Variants in SDCCAG8 observed in about 807,000 individuals in gnomAD.
SDCCAG8 encodes the protein SHH signaling and ciliogenesis regulator SDCCAG8.
Under a neutral mutation model 101.8 loss-of-function variants are expected in SDCCAG8, and 74 were observed. That is an observed-to-expected ratio of 0.73 (90% confidence interval 0.60 to 0.88). The LOEUF (loss-of-function observed/expected upper bound fraction) is 0.88, where lower values mean the gene tolerates loss of function less well. SDCCAG8 is among the 40% of genes least tolerant of loss of function. The pLI, the probability that SDCCAG8 is intolerant of heterozygous loss-of-function variation, is 0.00. For synonymous variants in SDCCAG8, 281 were observed against 292.9 expected (o/e 0.96, Z 0.41); for missense variants, 787 against 822.6 (o/e 0.96, Z 0.53).
Position 243,344,307 on chromosome 1 carries a change from C to T in SDCCAG8, c.1449C>T (p.Asn483=), listed in dbSNP as rs962469606. 4 of 1,613,106 alleles carry T rather than the reference C, an allele frequency of 2.5e-6. No homozygotes were observed. In the African/African-American group the frequency reaches 5.3e-5, roughly 22 times the overall value. Residue 483 remains asparagine, a synonymous_variant, in exon 12 of 18, where the codon AAC becomes AAT. Transcript: ENST00000366541. The part of the protein sequence containing the change: ...KEHREFRAKT[N]RDLEIKDQEI... Reference sequence around the variant, plus strand: ...ACAGAGAGTTCAGAGCAAAAACTAACAGGGATCTTGAAATTAAAGATCAGG... The same window carrying T: ...ACAGAGAGTTCAGAGCAAAAACTAATAGGGATCTTGAAATTAAAGATCAGG...
chr1:243,392,931 A>G (rs1398593278), intron 13 of SDCCAG8, among the ~76,000 whole-genome samples: 1 of 152,228 alleles, frequency 6.6e-6, no homozygotes, highest in East Asian at 1.9e-4. Flanking sequence ...CTTCCAAATT[A>G]AAGAAAATGA....
intron 13 of SDCCAG8, among the ~76,000 whole-genome samples, chr1:243,413,165 A>G (rs1021622343): frequency 6.6e-5 from 10 of 152,224 alleles, no homozygotes; most frequent in Non-Finnish European, 1.3e-4. Context: ...AAGGACTTCA[A>G]TTATGACAGT....
chr1:243,333,158 T>TTCCCCTTCCC (rs2074749009), intron 10 of SDCCAG8, among the ~76,000 whole-genome samples: 1 of 152,214 alleles, frequency 6.6e-6, no homozygotes, highest in Non-Finnish European at 1.5e-5. Flanking sequence ...GGTGTCTTCC[T>TTCCCCTTCCC]AATCCCTTCC....
intron 6 of SDCCAG8, 29 bp downstream of exon 6, chr1:243,293,248 C>T: frequency 1.9e-6 from 3 of 1,607,838 alleles, no homozygotes; most frequent in East Asian, 2.2e-5. Context: ...TTCTCTTATA[C>T]ATCTTTTTTT....
intron 16 of SDCCAG8, among the ~76,000 whole-genome samples, chr1:243,434,458 G>A (rs991687353): frequency 1.3e-5 from 2 of 152,204 alleles, no homozygotes; most frequent in African/African-American, 4.8e-5. Flanking sequence ...GGTAAGAGAT[G>A]TATATGTTGC....
intron 4 of SDCCAG8, among the ~76,000 whole-genome samples, chr1:243,283,866 G>A (rs917716886): frequency 4.6e-5 from 7 of 151,982 alleles, no homozygotes; most frequent in South Asian, 2.1e-4. Context: ...TCAGCCTCCC[G>A]AGTGGCTGGG....
chr1:243,477,033 C>CACACACACACACACAGAG (rs942231630), intron 16 of SDCCAG8, among the ~76,000 whole-genome samples: 4 of 150,320 alleles, frequency 2.7e-5, no homozygotes, highest in African/African-American at 9.9e-5. Flanking sequence ...CACACACACA[C>CACACACACACACACAGAG]AGAGAGAAAG....
chr1:243,470,179 G>A (rs1660947280), intron 16 of SDCCAG8, among the ~76,000 whole-genome samples: 1 of 152,154 alleles, frequency 6.6e-6, no homozygotes, highest in Non-Finnish European at 1.5e-5. Context: ...TGTCCCATGT[G>A]TGCAGTGCCT....
At chr1:243,375,062 A>G (rs1028708109) in intron 12 of SDCCAG8, among the ~76,000 whole-genome samples, 6 of 152,174 alleles carry the variant, frequency 3.9e-5, no homozygotes, top group Non-Finnish European at 8.8e-5. Context: ...ATTTTTCATA[A>G]TCATTATAAT....
chr1:243,429,683 C>T (rs1347376070), intron 16 of SDCCAG8, among the ~76,000 whole-genome samples: 2 of 149,010 alleles, frequency 1.3e-5, no homozygotes. Flanking sequence ...TACATACCAC[C>T]ATGCTCTGCT....
chr1:243,361,064 T>C lies in SDCCAG8; in HGVS notation c.1473+16733T>C, dbSNP rs183618010. On this transcript the variant is annotated intron_variant, in intron 12 of 17. Coordinates refer to ENST00000366541, the MANE Select transcript of SDCCAG8 (RefSeq NM_006642.5). Reference sequence around the variant, plus strand: ...CTGTTGTGTCAGCTTGTCCGAGCTCTCTTGGATCCTCTTTTCAACATATTG... The same window carrying C: ...CTGTTGTGTCAGCTTGTCCGAGCTCCCTTGGATCCTCTTTTCAACATATTG... Among the ~76,000 whole-genome samples the C allele has an allele frequency of 1.6e-4, 25 of 152,324 alleles. No homozygotes were observed. In the East Asian group the frequency reaches 3.7e-3, roughly 22 times the overall value.
intron 17 of SDCCAG8, among the ~76,000 whole-genome samples, chr1:243,492,128 A>G (rs114804621): frequency 4.6e-5 from 7 of 151,762 alleles, no homozygotes; most frequent in Non-Finnish European, 1.0e-4. Context: ...TTCTGCTTGA[A>G]TTCTGAAACA....
At chr1:243,409,519 C>G (rs2080019749) in intron 13 of SDCCAG8, among the ~76,000 whole-genome samples, 1 of 152,138 alleles carries the variant, frequency 6.6e-6, no homozygotes, top group Non-Finnish European at 1.5e-5. Flanking sequence ...ATCCTGATTT[C>G]TAAATACCAT....
chr1:243,296,535 CTTTTTTTTTTTTTT>C, intron 6 of SDCCAG8, among the ~76,000 whole-genome samples: 2 of 57,950 alleles, frequency 3.5e-5, no homozygotes, highest in Middle Eastern at 0.053. Context: ...CCCAACTGCT[CTTTTTTTTTTTTTT>C]TTTTTTTTTT....
chr1:243,297,258 A>G (rs1390462364), intron 6 of SDCCAG8, among the ~76,000 whole-genome samples: 1 of 152,220 alleles, frequency 6.6e-6, no homozygotes, highest in Non-Finnish European at 1.5e-5. Context: ...CCATGTTGTT[A>G]CATTGGCCGA....
At position 243,471,828 on chromosome 1, in the gene SDCCAG8, A is replaced by C. The variant is rs932832024; in HGVS notation, c.1986-17186A>C. The stretch of plus-strand genomic sequence containing the variant: ...ATACTAGTGAAAGCATTGGACTATT[A>C]GGTCACAGGTGCCATTTACTCAGCA... On this transcript the variant is annotated intron_variant, in intron 16 of 17. Coordinates refer to ENST00000366541, the MANE Select transcript of SDCCAG8 (RefSeq NM_006642.5). Among the ~76,000 whole-genome samples, 7 of 152,354 alleles carry C rather than the reference A, an allele frequency of 4.6e-5. No homozygotes were observed. In the South Asian group the frequency reaches 6.2e-4, roughly 14 times the overall value.
chr1:243,290,682 T>G (rs1254484223), intron 5 of SDCCAG8, among the ~76,000 whole-genome samples: 1 of 152,210 alleles, frequency 6.6e-6, no homozygotes, highest in African/African-American at 2.4e-5. Context: ...CATACCTCTG[T>G]GATGTTTATC....
At chr1:243,422,739 A>C (rs1475767060) in intron 15 of SDCCAG8, among the ~76,000 whole-genome samples, 1 of 152,240 alleles carries the variant, frequency 6.6e-6, no homozygotes, top group African/African-American at 2.4e-5. Context: ...AGAACCTAAA[A>C]GAATAAAAAA....
intron 17 of SDCCAG8, among the ~76,000 whole-genome samples, chr1:243,492,602 C>G (rs1465541605): frequency 9.0e-6 from 1 of 111,330 alleles, no homozygotes; most frequent in African/African-American, 3.6e-5. Context: ...CTGCGCCCAG[C>G]TGTTTTTTTT....
Sources: gnomAD v4.1 joint callset for allele counts (sites outside exome capture counted in the v4.1 genomes callset) on GRCh38, gnomAD v4.1.1 for gene constraint, MANE v1.5 for transcripts, NCBI Gene and HGNC (gene_info 2026-07-23, HGNC 2026-07-21) for gene names.